The following AQR variants were observed in gnomAD, a reference collection of about 807,000 sequenced individuals.
The protein encoded by AQR is RNA helicase aquarius.
Under a neutral mutation model 180.5 loss-of-function variants are expected in AQR, and 61 were observed. That is an observed-to-expected ratio of 0.34 (90% CI 0.28 to 0.42). The LOEUF (loss-of-function observed/expected upper bound fraction) is 0.42, where lower values mean the gene tolerates loss of function less well. Among genes scored for constraint, AQR ranks in the 10% least tolerant of loss-of-function variants. AQR has a pLI of 1.00. For synonymous variants in AQR, 551 were observed against 588.8 expected (o/e 0.94, Z 0.93); for missense variants, 1,281 against 1,798.3 (o/e 0.71, Z 5.20).
intron 11 of AQR, among the ~76,000 whole-genome samples, chr15:34,931,619 C>A (rs1463801439): frequency 6.6e-6 from 1 of 152,092 alleles, no homozygotes; most frequent in Non-Finnish European, 1.5e-5. Flanking sequence ...GCCACCTGGG[C>A]AACATGGTGA....
At chr15:34,953,752 A>G (rs1325593920) in intron 3 of AQR, among the ~76,000 whole-genome samples, 1 of 152,212 alleles carries the variant, frequency 6.6e-6, no homozygotes, top group Non-Finnish European at 1.5e-5. Flanking sequence ...AGACAACAGA[A>G]TTCACTCACT....
intron 34 of AQR, among the ~76,000 whole-genome samples, chr15:34,857,480 T>C (rs905995699): frequency 6.6e-6 from 1 of 151,646 alleles, no homozygotes; most frequent in Non-Finnish European, 1.5e-5. Flanking sequence ...CTGGGTGCGG[T>C]GGCTCATGGT....
In AQR at chr15:34,906,040, A is replaced by G. The variant is rs112699851; in HGVS notation, c.1831+505T>C. ...CAGAGCAAAACTCCGTCTTGGGGGG[A>G]AAAAAAGAAAAAGATCCTGTCCTTT... On this transcript the variant is annotated intron_variant, in intron 18 of 34. Transcript: ENST00000156471. Among the ~76,000 whole-genome samples, 1,303 of 151,614 alleles carry G rather than the reference A, an allele frequency of 8.6e-3. 19 individuals carry two copies. Among genetic ancestry groups the G allele is most frequent in the African/African-American group, 0.03 (1,239 of 41,316 alleles).
chr15:34,923,307 G>A (rs1402143324), intron 13 of AQR, among the ~76,000 whole-genome samples: 1 of 152,090 alleles, frequency 6.6e-6, no homozygotes. Context: ...GAAAGTAGGG[G>A]GCTGCTGTAT....
intron 3 of AQR, among the ~76,000 whole-genome samples, chr15:34,956,666 G>C (rs1255525218): frequency 6.9e-5 from 2 of 29,000 alleles, no homozygotes; most frequent in African/African-American, 1.2e-4. Flanking sequence ...AAAAATAAAA[G>C]AACAGAACAG....
chr15:34,956,696 G>GAAAA (rs565202160), intron 3 of AQR, among the ~76,000 whole-genome samples: 35,709 of 82,922 alleles, frequency 0.43, 8,561 homozygotes, highest in Non-Finnish European at 0.53. Context: ...TAAGAAGTCA[G>GAAAA]AAAAAAAAAA....
rs1893558764 is a variant in AQR at position 34,914,972 on chromosome 15, T to C, written c.1484+66A>G. ...ATTATTTCTAAATATACTTATAAGG[T>C]TTCTGACAGAAGTTTATCAGTCACT... On this transcript the variant is annotated intron_variant, in intron 16 of 34. Transcript: ENST00000156471. 16 of 1,480,512 alleles carry C rather than the reference T, an allele frequency of 1.1e-5. No homozygotes were observed. In the South Asian group the frequency reaches 1.9e-4, roughly 18 times the overall value. 91.7% of individuals were successfully genotyped at this position (1,480,512 alleles called of 1,614,324 possible).
intron 9 of AQR, among the ~76,000 whole-genome samples, chr15:34,937,310 C>A (rs1221359409): frequency 6.6e-6 from 1 of 152,180 alleles, no homozygotes; most frequent in East Asian, 1.9e-4. Context: ...CAGGCATGAG[C>A]CACTGCGCCC....
At chr15:34,886,696 TAATA>T in intron 24 of AQR, 35 bp from the exon 25 acceptor site, 1 of 1,574,866 alleles carries the variant, frequency 6.3e-7, no homozygotes, top group East Asian at 2.3e-5. Flanking sequence ...GACAAAACTG[TAATA>T]AAGAGACTTT....
At chr15:34,927,652 A>G (rs952602220) in intron 12 of AQR, among the ~76,000 whole-genome samples, 1 of 122,196 alleles carries the variant, frequency 8.2e-6, no homozygotes, top group Non-Finnish European at 2.1e-5. Flanking sequence ...GTAGTATTGC[A>G]CAGAGTGACT....
At chr15:34,899,889 T>C (rs570496680) in intron 20 of AQR, among the ~76,000 whole-genome samples, 4 of 152,154 alleles carry the variant, frequency 2.6e-5, no homozygotes, top group Admixed American at 6.5e-5. Context: ...AATATGACTA[T>C]TGTATTTATT....
chr15:34,941,713 A>G (rs571236319), intron 7 of AQR, among the ~76,000 whole-genome samples: 4 of 151,830 alleles, frequency 2.6e-5, no homozygotes, highest in South Asian at 2.1e-4. Context: ...CTAATCAAGG[A>G]AAAAAAAATT....
intron 34 of AQR, 88 bp from the exon 35 acceptor site, chr15:34,857,194 C>G: frequency 1.6e-6 from 2 of 1,275,884 alleles, no homozygotes; most frequent in Non-Finnish European, 2.1e-6. Context: ...TAGAGTTCTC[C>G]AAAACAGTGC....
intron 15 of AQR, among the ~76,000 whole-genome samples, chr15:34,917,113 G>A (rs1023181866): frequency 1.3e-5 from 2 of 152,068 alleles, no homozygotes; most frequent in African/African-American, 4.8e-5. Context: ...TCATCCAGGT[G>A]TGCATCCCTA....
intron 3 of AQR, among the ~76,000 whole-genome samples, chr15:34,957,281 C>A (rs931220949): frequency 3.3e-5 from 5 of 151,978 alleles, no homozygotes; most frequent in African/African-American, 1.2e-4. Context: ...CTCAGTCTCT[C>A]GAGTAGCTGG....
intron 6 of AQR, 58 bp downstream of exon 6, chr15:34,944,230 C>A: frequency 6.8e-7 from 1 of 1,476,432 alleles, no homozygotes. Flanking sequence ...TTCATCTAAA[C>A]TCAACCTAAA....
At position 34,900,639 on chromosome 15, in the gene AQR, T is replaced by G. The variant is rs372193445; in HGVS notation, c.2226A>C (p.Leu742=). The part of the protein sequence containing the change: ...NVKVTVEDPA[L]QIPPFRITFP... The stretch of plus-strand genomic sequence containing the variant: ...GACTTTACCTGAAAGGGGGTATTTG[T>G]AGAGCAGGGTCTTCTACAGTTACTT... Residue 742 remains leucine (L), a synonymous_variant, in exon 20 of 35, where the codon CTA becomes CTC. Coordinates refer to ENST00000156471, the MANE Select transcript of AQR (RefSeq NM_014691.3). The G allele has an allele frequency of 1.5e-5, 24 of 1,613,826 alleles. No individual in the cohort carries two copies. Among genetic ancestry groups the G allele is most frequent in the Middle Eastern group, 1.6e-4 (1 of 6,082 alleles).
intron 3 of AQR, among the ~76,000 whole-genome samples, chr15:34,956,180 TAA>T (rs1295723955): frequency 6.6e-6 from 1 of 152,148 alleles, no homozygotes; most frequent in Non-Finnish European, 1.5e-5. Context: ...CATTTCATAA[TAA>T]AAGAGTCCAT....
intron 15 of AQR, among the ~76,000 whole-genome samples, chr15:34,915,490 T>C (rs1893568601): frequency 6.6e-6 from 1 of 150,924 alleles, no homozygotes; most frequent in Non-Finnish European, 1.5e-5. Flanking sequence ...GCACCCGGCC[T>C]GAATTATTCT....
Sources: allele counts gnomAD v4.1 joint callset (sites outside exome capture counted in the v4.1 genomes callset), GRCh38; gene constraint gnomAD v4.1.1; transcripts MANE v1.5; gene names NCBI Gene and HGNC (gene_info 2026-07-23, HGNC 2026-07-21).